Variants in IFT88 observed in about 807,000 individuals in gnomAD.
IFT88 encodes the protein intraflagellar transport protein 88 homolog.
In IFT88, 74 loss-of-function variants were observed where a neutral mutation model predicts 119.5. The ratio of observed to expected loss-of-function variants is 0.62; its 90% CI spans 0.51 to 0.75. The LOEUF is 0.75. IFT88 is among the 30% of genes least tolerant of loss of function. The pLI, the probability that IFT88 is intolerant of heterozygous loss-of-function variation, is 0.00. For missense variants in IFT88, 961 were observed against 977.7 expected (o/e 0.98, Z 0.23); for synonymous variants, 279 against 316.7 (o/e 0.88, Z 1.26).
chr13:20,590,013 A>G, intron 4 of IFT88, 146 bp downstream of exon 4: 2 of 447,520 alleles, frequency 4.5e-6, no homozygotes, highest in Admixed American at 3.5e-5. Flanking sequence ...ATACAAGTCT[A>G]GTGTGATTAA....
intron 15 of IFT88, among the ~76,000 whole-genome samples, chr13:20,626,246 C>G (rs1372487506): frequency 2.6e-5 from 4 of 151,522 alleles, no homozygotes; most frequent in South Asian, 2.1e-4. Context: ...ATTTTTAATA[C>G]AGATGGGGTT....
chr13:20,664,946 G>T (rs189017639), intron 23 of IFT88, among the ~76,000 whole-genome samples: 1 of 152,076 alleles, frequency 6.6e-6, no homozygotes, highest in African/African-American at 2.4e-5. Flanking sequence ...AGGCGTGGTG[G>T]AGGGCACCTG....
intron 16 of IFT88, among the ~76,000 whole-genome samples, chr13:20,637,167 G>A (rs1881713528): frequency 6.6e-6 from 1 of 152,140 alleles, no homozygotes; most frequent in Non-Finnish European, 1.5e-5. Context: ...CTATTGATGG[G>A]TACAGGGTTT....
intron 1 of IFT88, among the ~76,000 whole-genome samples, chr13:20,572,777 TC>T (rs200756268): frequency 0.012 from 1,791 of 152,216 alleles, 36 homozygotes; most frequent in African/African-American, 0.041. Flanking sequence ...TTCCATTCAA[TC>T]CCTAACCCCC....
intron 1 of IFT88, among the ~76,000 whole-genome samples, chr13:20,571,929 C>T (rs1245437289): frequency 2.6e-5 from 4 of 152,142 alleles, no homozygotes; most frequent in Admixed American, 2.6e-4. Flanking sequence ...TGAGTGCCTC[C>T]CCACCAACAC....
chr13:20,577,353 C>A (rs2037582332), intron 2 of IFT88, among the ~76,000 whole-genome samples: 1 of 152,112 alleles, frequency 6.6e-6, no homozygotes, highest in Admixed American at 6.5e-5. Flanking sequence ...CCCTTTATTT[C>A]TTTCTCTTGC....
intron 22 of IFT88, among the ~76,000 whole-genome samples, chr13:20,658,177 A>G (rs2053178690): frequency 6.6e-6 from 1 of 151,842 alleles, no homozygotes; most frequent in Admixed American, 6.6e-5. Flanking sequence ...GCTCACTGCA[A>G]CCTCTGCCTC....
rs369604177 is a variant in IFT88 at position 20,660,071 on chromosome 13, G to A, written c.2069-3427G>A. 2.3e-3 allele frequency among the ~76,000 whole-genome samples: 354 copies of A among 152,320 alleles called. 1 individual carries two copies. The highest frequency in any genetic ancestry group is 0.017 in the South Asian group (81 of 4,832). On this transcript the variant is annotated intron_variant, in intron 22 of 25. Transcript: ENST00000351808. ...AAAAGAGACCAAAATCCTTGATGTCGTGGAACTTGTTTCTAGTGGGAAAAG... is the reference window on the plus strand; with the variant it reads ...AAAAGAGACCAAAATCCTTGATGTCATGGAACTTGTTTCTAGTGGGAAAAG...
intron 13 of IFT88, among the ~76,000 whole-genome samples, chr13:20,610,714 A>T (rs1386081089): frequency 6.6e-6 from 1 of 152,186 alleles, no homozygotes; most frequent in African/African-American, 2.4e-5. Flanking sequence ...GATTAATATC[A>T]TACGAATATA....
intron 23 of IFT88, among the ~76,000 whole-genome samples, chr13:20,664,615 A>G (rs1190788843): frequency 6.6e-6 from 1 of 152,168 alleles, no homozygotes; most frequent in Non-Finnish European, 1.5e-5. Context: ...ACATTAGCAG[A>G]CAAACAAAGA....
chr13:20,599,466 A>G lies in IFT88; in HGVS notation c.713A>G (p.Asn238Ser). ...TTTAAATTAGGAATATTGAAAATGA[A>G]TATGGGAAATATCTATTTAAAGCAA... ...MFSNAGILKM[N>S]MGNIYLKQRN... The change falls in exon 11 of 26, where the codon AAT becomes AGT. Residue 238 changes from asparagine (N) to serine (S), a missense_variant. Asn to Ser is a conservative substitution (Grantham distance 46, BLOSUM62 1). Coordinates refer to ENST00000351808, the MANE Select transcript of IFT88 (RefSeq NM_006531.5). 3 of 1,324,194 alleles carry G rather than the reference A, an allele frequency of 2.3e-6. No individual in the cohort carries two copies. Among genetic ancestry groups the G allele is most frequent in the Non-Finnish European group, 3.2e-6 (3 of 937,830 alleles). The allele number at this position is 1,324,194 out of a possible 1,614,324, so 82.0% of individuals were successfully genotyped here.
chr13:20,670,913 T>C, intron 23 of IFT88, 60 bp from the exon 24 acceptor site: 2 of 1,418,978 alleles, frequency 1.4e-6, no homozygotes, highest in Admixed American at 1.8e-5. Context: ...CACCTTTATC[T>C]ATATTCAACT....
intron 23 of IFT88, among the ~76,000 whole-genome samples, chr13:20,668,797 C>T (rs2055232159): frequency 6.6e-6 from 1 of 152,178 alleles, no homozygotes; most frequent in African/African-American, 2.4e-5. Context: ...GATTAGCGGA[C>T]CCATCCATGC....
In IFT88 at chr13:20,592,360, G is replaced by T. The variant is rs771201386; in HGVS notation, c.354G>T (p.Gln118His). ...GCTCTGCATTTGACCCCCTTAGTCA[G>T]TCAAGGGGCCCTGCTTCCCCTTTGG... is the stretch of plus-strand genomic sequence containing the variant. ...LRGSAFDPLS[Q>H]SRGPASPLEA... The change falls in exon 7 of 26, where the codon CAG becomes CAT. Residue 118 changes from glutamine to histidine, a missense_variant. Transcript: ENST00000351808. 1.7e-5 allele frequency: 27 copies of T among 1,611,498 alleles called. No homozygotes were observed. The highest frequency in any genetic ancestry group is 2.2e-5 in the Non-Finnish European group (26 of 1,179,078).
At chr13:20,580,841 T>A (rs2038476689) in intron 2 of IFT88, among the ~76,000 whole-genome samples, 1 of 149,488 alleles carries the variant, frequency 6.7e-6, no homozygotes, top group South Asian at 2.2e-4. Flanking sequence ...TTCTCCTGCC[T>A]CAGCCTCCTG....
intron 13 of IFT88, among the ~76,000 whole-genome samples, chr13:20,605,463 TG>T (rs1333645990): frequency 6.6e-6 from 1 of 152,226 alleles, no homozygotes; most frequent in Admixed American, 6.5e-5. Context: ...GACGTCTTTA[TG>T]TTTTTTTATC....
intron 12 of IFT88, among the ~76,000 whole-genome samples, chr13:20,603,185 A>G (rs962542690): frequency 1.3e-5 from 2 of 152,142 alleles, no homozygotes; most frequent in African/African-American, 4.8e-5. Context: ...TAAAAATGGT[A>G]CATTTTCAAT....
intron 22 of IFT88, among the ~76,000 whole-genome samples, chr13:20,662,719 C>A (rs536663613): frequency 1.3e-5 from 2 of 150,706 alleles, no homozygotes; most frequent in Non-Finnish European, 3.0e-5. Flanking sequence ...GCCATTCTTA[C>A]AAATGTAAAG....
chr13:20,646,341 C>T (rs896636946), intron 20 of IFT88, among the ~76,000 whole-genome samples: 5 of 145,812 alleles, frequency 3.4e-5, no homozygotes, highest in South Asian at 4.4e-4. Context: ...CTTGCTTTGT[C>T]GCCCAGGCTG....
Sources: gnomAD v4.1 joint callset for allele counts (sites outside exome capture counted in the v4.1 genomes callset) on GRCh38, gnomAD v4.1.1 for gene constraint, MANE v1.5 for transcripts, NCBI Gene and HGNC (gene_info 2026-07-23, HGNC 2026-07-21) for gene names.